Variants in CCDC158 observed in about 807,000 individuals in gnomAD.
The protein encoded by CCDC158 is coiled-coil domain containing 158, also known as coiled-coil domain-containing protein 158.
CCDC158 carries 116 observed loss-of-function variants against 138.6 expected under a neutral mutation model. The observed-to-expected ratio is 0.84, with a 90% confidence interval of 0.72 to 0.98. The LOEUF is 0.98. CCDC158 is among the 50% of genes least tolerant of loss of function. The pLI is 0.00. For missense variants in CCDC158, 1,265 were observed against 1,306.1 expected (o/e 0.97, Z 0.48); for synonymous variants, 436 against 442.4 (o/e 0.99, Z 0.18).
At chr4:76,359,912 A>C (rs548880785) in intron 13 of CCDC158, among the ~76,000 whole-genome samples, 111 of 152,348 alleles carry the variant, frequency 7.3e-4, no homozygotes, top group Admixed American at 1.6e-3. Flanking sequence ...TAGCTAAGAC[A>C]ATGGGGAAAA....
chr4:76,338,910 A>G (rs1305298840), intron 18 of CCDC158, among the ~76,000 whole-genome samples: 1 of 152,262 alleles, frequency 6.6e-6, no homozygotes, highest in East Asian at 1.9e-4. Flanking sequence ...CCCAATGATG[A>G]GACAGCAGAA....
chr4:76,328,771 G>T, intron 22 of CCDC158, 129 bp downstream of exon 22: 1 of 699,826 alleles, frequency 1.4e-6, no homozygotes. Flanking sequence ...CATGAAAGAG[G>T]GAGTAGCAGG....
At chr4:76,321,764 T>TCA (rs1560779944) in intron 24 of CCDC158, among the ~76,000 whole-genome samples, 1 of 146,078 alleles carries the variant, frequency 6.8e-6, no homozygotes, top group Non-Finnish European at 1.5e-5. Context: ...TATATATTTT[T>TCA]TATATATATA....
chr4:76,347,848 A>G (rs1722703968), intron 18 of CCDC158, among the ~76,000 whole-genome samples: 1 of 152,218 alleles, frequency 6.6e-6, no homozygotes, highest in African/African-American at 2.4e-5. Flanking sequence ...CCAAGGGAAA[A>G]AATCGACACA....
rs780134177 is a variant in CCDC158 at position 76,334,077 on chromosome 4, G to T, written c.2755C>A (p.Pro919Thr). Residue 919 changes from proline to threonine, a missense_variant, in exon 19 of 25, where the codon CCA (proline) becomes ACA (threonine). Transcript: ENST00000682701. Reference protein sequence around the residue: ...QELRSVINEEPAVSLSKTEED... With the variant: ...QELRSVINEETAVSLSKTEED... ...TCTGTCTTGCTCAGAGACACAGCTG[G>T]CTCCTCATTGATCACGCTTCTCAAC... is the stretch of plus-strand genomic sequence containing the variant. The T allele has an allele frequency of 9.3e-6, 15 of 1,613,638 alleles. No homozygotes were observed. The South Asian group carries it at 1.3e-4, about 14-fold the overall frequency.
At position 76,383,664 on chromosome 4, in the gene CCDC158, A is replaced by G. The variant is rs1726494501; in HGVS notation, c.801T>C (p.Asp267=). 7.5e-6 allele frequency: 12 copies of G among 1,610,040 alleles called. No homozygotes were observed. Among genetic ancestry groups the G allele is most frequent in the Non-Finnish European group, 1.0e-5 (12 of 1,176,496 alleles). Residue 267 remains aspartate, a splice_region_variant and synonymous_variant, in exon 7 of 25, where the codon GAT becomes GAC. Transcript: ENST00000682701. ...CCATACCTCAGTCAGAAACCTACCT[A>G]TCTTGGTGTTGTTGCAGAAGTAGTT... is the stretch of plus-strand genomic sequence containing the variant. ...KIELLLQQHQ[D]RIEQLISEHE... is the part of the protein sequence containing the mutation.
chr4:76,374,524 A>G (rs748392856), intron 9 of CCDC158, among the ~76,000 whole-genome samples: 7 of 152,178 alleles, frequency 4.6e-5, no homozygotes, highest in Non-Finnish European at 8.8e-5. Flanking sequence ...TTTCATCTGT[A>G]ATTGGAAAGA....
intron 24 of CCDC158, among the ~76,000 whole-genome samples, chr4:76,321,671 T>TA (rs1473277843): frequency 2.1e-4 from 30 of 145,830 alleles, no homozygotes; most frequent in African/African-American, 2.5e-4. Flanking sequence ...CATGTATATT[T>TA]TTATATATAT....
intron 1 of CCDC158, among the ~76,000 whole-genome samples, chr4:76,418,128 C>A (rs1729842515): frequency 6.6e-6 from 1 of 152,122 alleles, no homozygotes; most frequent in African/African-American, 2.4e-5. Context: ...TAATCAAGGG[C>A]ATATGATCCT....
intron 9 of CCDC158, among the ~76,000 whole-genome samples, chr4:76,373,198 T>G (rs1323581678): frequency 7.9e-5 from 12 of 152,242 alleles, no homozygotes; most frequent in Non-Finnish European, 1.6e-4. Context: ...GGCTAGGATC[T>G]CAGACTGTGG....
chr4:76,329,608 C>A (rs1264007151), intron 21 of CCDC158, among the ~76,000 whole-genome samples: 1 of 152,056 alleles, frequency 6.6e-6, no homozygotes, highest in African/African-American at 2.4e-5. Context: ...ATGACAATGA[C>A]AACAACAACT....
intron 12 of CCDC158, among the ~76,000 whole-genome samples, chr4:76,364,853 G>A (rs1182444006): frequency 2.0e-5 from 3 of 152,186 alleles, no homozygotes; most frequent in African/African-American, 7.2e-5. Flanking sequence ...CAAGCTTTTG[G>A]CTGTTCAAAA....
intron 18 of CCDC158, among the ~76,000 whole-genome samples, chr4:76,347,162 C>G (rs1248289703): frequency 6.6e-6 from 1 of 152,208 alleles, no homozygotes; most frequent in Non-Finnish European, 1.5e-5. Context: ...TTTGACCTAG[C>G]AATCCCATTA....
intron 11 of CCDC158, among the ~76,000 whole-genome samples, chr4:76,368,916 A>G (rs1724951550): frequency 6.6e-6 from 1 of 152,188 alleles, no homozygotes; most frequent in Non-Finnish European, 1.5e-5. Flanking sequence ...CATTTAGTTT[A>G]ATTAGTGTCT....
chr4:76,324,107 A>G (rs1720296940), intron 23 of CCDC158, among the ~76,000 whole-genome samples: 1 of 152,224 alleles, frequency 6.6e-6, no homozygotes, highest in South Asian at 2.1e-4. Context: ...TTTCTTATCA[A>G]AAAATACCCT....
chr4:76,327,284 T>C (rs1191915032), intron 22 of CCDC158, among the ~76,000 whole-genome samples: 1 of 152,184 alleles, frequency 6.6e-6, no homozygotes, highest in Non-Finnish European at 1.5e-5. Context: ...CCAAAGATTA[T>C]TTAAAAATTA....
Position 76,384,376 on chromosome 4 carries a change from C to G in CCDC158, c.438G>C (p.Gln146His). 6.2e-7 allele frequency: 1 copy of G among 1,613,858 alleles called. No homozygotes were observed. Among genetic ancestry groups the G allele is most frequent in the Non-Finnish European group, 8.5e-7 (1 of 1,179,892 alleles). The change falls in exon 6 of 25, where the codon CAG (glutamine) becomes CAC (histidine). Residue 146 changes from glutamine (Q) to histidine (H), a missense_variant. Physicochemically the swap from Gln to His is conservative, Grantham distance 24. Transcript: ENST00000682701. ...CAAGTTCATGAACTGTATTTTGAAG[C>G]TGATTTCTTAAATCCTCCTGGGACT... Reference protein sequence around the residue: ...ESQSQEDLRNQLQNTVHELEA... With the variant: ...ESQSQEDLRNHLQNTVHELEA...
At chr4:76,348,804 G>T (rs922923545) in intron 18 of CCDC158, among the ~76,000 whole-genome samples, 2 of 152,062 alleles carry the variant, frequency 1.3e-5, no homozygotes, top group Admixed American at 1.3e-4. Context: ...GGGCAAAAGT[G>T]TAAAGATATA....
intron 13 of CCDC158, among the ~76,000 whole-genome samples, chr4:76,359,507 G>C (rs927732059): frequency 1.3e-5 from 2 of 152,196 alleles, no homozygotes; most frequent in African/African-American, 4.8e-5. Flanking sequence ...ATGAAGTCCA[G>C]GCTGAAGAAG....
Sources: gnomAD v4.1 joint callset for allele counts (sites outside exome capture counted in the v4.1 genomes callset) on GRCh38, gnomAD v4.1.1 for gene constraint, MANE v1.5 for transcripts, NCBI Gene and HGNC (gene_info 2026-07-23, HGNC 2026-07-21) for gene names.